The following HACE1 variants were observed in gnomAD, a reference collection of about 807,000 sequenced individuals.
The protein encoded by HACE1 is E3 ubiquitin-protein ligase HACE1.
Under a neutral mutation model 118.4 loss-of-function variants are expected in HACE1, and 73 were observed. The ratio of observed to expected loss-of-function variants is 0.62; its 90% CI spans 0.51 to 0.75. The LOEUF (loss-of-function observed/expected upper bound fraction) is 0.75. HACE1 is among the 30% of genes least tolerant of loss of function. The pLI, the probability that HACE1 is intolerant of heterozygous loss-of-function variation, is 0.00. For missense variants in HACE1, 749 were observed against 1,102.2 expected, an observed-to-expected ratio of 0.68 and a Z score of 4.54; for synonymous variants, 368 against 374.8, an observed-to-expected ratio of 0.98 and a Z score of 0.21.
At chr6:104,733,300 T>A (rs1251517571) in intron 22 of HACE1, among the ~76,000 whole-genome samples, 1 of 151,308 alleles carries the variant, frequency 6.6e-6, no homozygotes, top group Non-Finnish European at 1.5e-5. Flanking sequence ...CAGAAGATCC[T>A]CTAGTTTTAA....
chr6:104,756,265 A>C (rs903457391), intron 19 of HACE1, among the ~76,000 whole-genome samples: 1 of 151,746 alleles, frequency 6.6e-6, no homozygotes, highest in Admixed American at 6.6e-5. Flanking sequence ...ACAAAAAATT[A>C]GCCAGGCATG....
intron 19 of HACE1, among the ~76,000 whole-genome samples, chr6:104,759,521 A>C (rs992129571): frequency 6.6e-6 from 1 of 152,230 alleles, no homozygotes; most frequent in African/African-American, 2.4e-5. Context: ...GACACAACGT[A>C]CCAGAATCTC....
chr6:104,810,062 T>C (rs925434581), intron 7 of HACE1, among the ~76,000 whole-genome samples: 3 of 152,008 alleles, frequency 2.0e-5, no homozygotes, highest in African/African-American at 7.2e-5. Context: ...AACAGGCAGA[T>C]GGACATTCAA....
intron 6 of HACE1, among the ~76,000 whole-genome samples, chr6:104,817,350 C>A (rs1772228605): frequency 6.6e-6 from 1 of 152,036 alleles, no homozygotes. Flanking sequence ...TGAATGAGTT[C>A]TCACAAGTCC....
At chr6:104,792,429 A>T (rs190948892) in intron 10 of HACE1, among the ~76,000 whole-genome samples, 1 of 152,326 alleles carries the variant, frequency 6.6e-6, no homozygotes, top group East Asian at 1.9e-4. Flanking sequence ...CCACAGAAAA[A>T]CTGTACGAGT....
chr6:104,853,343 A>G (rs1352494314), intron 1 of HACE1, among the ~76,000 whole-genome samples: 1 of 152,178 alleles, frequency 6.6e-6, no homozygotes. Context: ...CCTTTACACA[A>G]TAAATTCACA....
At chr6:104,738,561 G>C (rs933148055) in intron 22 of HACE1, among the ~76,000 whole-genome samples, 1 of 149,090 alleles carries the variant, frequency 6.7e-6, no homozygotes, top group Admixed American at 6.6e-5. Context: ...AGGAAGAAAG[G>C]GTATCAGCGA....
At chr6:104,745,705 T>C (rs1301366434) in intron 20 of HACE1, among the ~76,000 whole-genome samples, 2 of 151,980 alleles carry the variant, frequency 1.3e-5, no homozygotes, top group Non-Finnish European at 1.5e-5. Context: ...CCTCCAAAAG[T>C]GCTGGGATTA....
Position 104,744,554 on chromosome 6 carries a change from T to C in HACE1, c.2400A>G (p.Thr800=). The part of the protein sequence containing the change: ...EIDVSDWIKN[T]EYTSGYERED... ...CTCTTTCATAGCCACTTGTGTATTC[T>C]GTATTTTTTATCCAATCACTCACAT... is the stretch of plus-strand genomic sequence containing the variant. The change falls in exon 21 of 24, where the codon ACA becomes ACG. Residue 800 remains threonine, a synonymous_variant. Transcript: ENST00000262903. The C allele has an allele frequency of 6.2e-7, 1 of 1,605,206 alleles. No homozygotes were observed. Among genetic ancestry groups the C allele is most frequent in the Non-Finnish European group, 8.5e-7 (1 of 1,171,980 alleles).
At chr6:104,847,599 T>C (rs1261644450) in intron 4 of HACE1, among the ~76,000 whole-genome samples, 1 of 152,204 alleles carries the variant, frequency 6.6e-6, no homozygotes, top group East Asian at 1.9e-4. Context: ...ACTATTGCTG[T>C]CTTTTTTGCT....
chr6:104,823,621 A>G (rs1773015036), intron 6 of HACE1, among the ~76,000 whole-genome samples: 1 of 152,056 alleles, frequency 6.6e-6, no homozygotes, highest in Non-Finnish European at 1.5e-5. Context: ...CAATCCCCCA[A>G]TAAAAACCAA....
intron 20 of HACE1, among the ~76,000 whole-genome samples, chr6:104,746,259 CAA>C (rs911547292): frequency 6.6e-6 from 1 of 152,096 alleles, no homozygotes; most frequent in African/African-American, 2.4e-5. Context: ...GTCCTAAGAC[CAA>C]AAAGTTTTAG....
intron 21 of HACE1, 94 bp from the exon 22 acceptor site, chr6:104,744,324 T>C (rs1777170252): frequency 1.1e-6 from 1 of 909,422 alleles, no homozygotes; most frequent in Admixed American, 1.7e-5. Context: ...AAGCACATTT[T>C]ATTCTACAAA....
intron 4 of HACE1, among the ~76,000 whole-genome samples, chr6:104,846,552 AAGG>A (rs1397514866): frequency 6.6e-6 from 1 of 152,212 alleles, no homozygotes; most frequent in Non-Finnish European, 1.5e-5. Context: ...TTCTTTTGGA[AAGG>A]AGGACAATCC....
intron 6 of HACE1, among the ~76,000 whole-genome samples, chr6:104,831,890 C>CA (rs1276071918): frequency 3.8e-5 from 4 of 105,890 alleles, no homozygotes; most frequent in African/African-American, 6.4e-5. Flanking sequence ...GAGACTCCAT[C>CA]AAAAAAAAGA....
rs1411760359 is a variant in HACE1, at chr6:104,784,495, G to A, written c.1410-10C>T. 3 of 1,597,290 alleles carry A rather than the reference G, an allele frequency of 1.9e-6. No homozygotes were observed. Among genetic ancestry groups the A allele is most frequent in the Non-Finnish European group, 1.7e-6 (2 of 1,165,214 alleles). On this transcript the variant is annotated splice_polypyrimidine_tract_variant and intron_variant, in intron 12 of 23. Transcript: ENST00000262903. ...ACGAGGTGAAGTCATTCTGTGGGGG[G>A]AAAACATCAATCAGAATACACAGGC...
chr6:104,774,375 C>A (rs1480800054), intron 17 of HACE1, among the ~76,000 whole-genome samples: 1 of 89,394 alleles, frequency 1.1e-5, no homozygotes, highest in African/African-American at 6.6e-5. Flanking sequence ...CAGGCGTGAG[C>A]CACCGCGCCC....
Position 104,785,265 on chromosome 6 carries a change from C to A in HACE1, c.1129G>T (p.Glu377Ter). Reference sequence around the variant, plus strand: ...GAGTCTCTTTTGTTTTTCATCAATTCTGTGGCTATTAAAACTAGCCATTCA... The same window carrying A: ...GAGTCTCTTTTGTTTTTCATCAATTATGTGGCTATTAAAACTAGCCATTCA... ...LDEWLVLIATELMKNKRDSTE... is the reference protein window; with the variant it reads ...LDEWLVLIAT Residue 377 changes from glutamate to a stop codon, truncating the protein, a stop_gained, in exon 12 of 24, where the codon GAA becomes TAA. Coordinates refer to ENST00000262903, the MANE Select transcript of HACE1 (RefSeq NM_020771.4). LOFTEE classifies it high-confidence loss of function. 1 of 1,612,746 alleles carries A rather than the reference C, an allele frequency of 6.2e-7. No homozygotes were observed. Among genetic ancestry groups the A allele is most frequent in the Non-Finnish European group, 8.5e-7 (1 of 1,179,116 alleles).
At position 104,777,115 on chromosome 6, in the gene HACE1, A is replaced by G. The variant is rs1218445091; in HGVS notation, c.1679-5T>C. ...AGCTACTCCTAAAAATAGAATCTAAATATGTAGCATTGGTTAATTTTACAT... is the reference window on the plus strand; with the variant it reads ...AGCTACTCCTAAAAATAGAATCTAAGTATGTAGCATTGGTTAATTTTACAT... On this transcript the variant is annotated splice_polypyrimidine_tract_variant and splice_region_variant and intron_variant, in intron 15 of 23. Coordinates refer to ENST00000262903, the MANE Select transcript of HACE1 (RefSeq NM_020771.4). 1 of 1,588,420 alleles carries G rather than the reference A, an allele frequency of 6.3e-7. No individual in the cohort carries two copies. Among genetic ancestry groups the G allele is most frequent in the Non-Finnish European group, 8.6e-7 (1 of 1,156,874 alleles).
Sources: gnomAD v4.1 joint callset for allele counts (sites outside exome capture counted in the v4.1 genomes callset) on GRCh38, gnomAD v4.1.1 for gene constraint, MANE v1.5 for transcripts, NCBI Gene and HGNC (gene_info 2026-07-23, HGNC 2026-07-21) for gene names.